TLN2: variants seen among roughly 807,000 people sequenced by gnomAD.
TLN2 encodes talin-2.
TLN2 carries 118 observed loss-of-function variants against 294.7 expected under a neutral mutation model. The ratio of observed to expected loss-of-function variants is 0.40; its 90% CI spans 0.34 to 0.47. The LOEUF (loss-of-function observed/expected upper bound fraction) is 0.47, where lower values mean the gene tolerates loss of function less well. Among genes scored for constraint, TLN2 ranks in the 20% least tolerant of loss-of-function variants. TLN2 has a pLI of 0.84. For synonymous variants in TLN2, 1,431 were observed against 1,304.5 expected (o/e 1.10, Z -2.09); for missense variants, 3,083 against 3,282.2 (o/e 0.94, Z 1.48).
intron 54 of TLN2, among the ~76,000 whole-genome samples, chr15:62,825,829 A>ATT (rs10670862): frequency 3.9e-4 from 5 of 12,918 alleles, no homozygotes; most frequent in Non-Finnish European, 6.6e-4. Flanking sequence ...TATATATTAT[A>ATT]ATATATAATA....
intron 21 of TLN2, 51 bp from the exon 22 acceptor site, chr15:62,711,860 T>C: frequency 6.4e-7 from 1 of 1,554,954 alleles, no homozygotes; most frequent in Non-Finnish European, 8.7e-7. Flanking sequence ...GAGGTTTTAC[T>C]GACCTTTGAA....
intron 39 of TLN2, 32 bp from the exon 40 acceptor site, chr15:62,763,531 A>C: frequency 6.3e-7 from 1 of 1,580,350 alleles, no homozygotes; most frequent in Non-Finnish European, 8.6e-7. Context: ...AGCCCCATGG[A>C]GCCTGTGTCC....
At chr15:62,443,715 G>A (rs577668858) in intron 1 of TLN2, among the ~76,000 whole-genome samples, 2 of 152,334 alleles carry the variant, frequency 1.3e-5, no homozygotes, top group African/African-American at 4.8e-5. Context: ...TAAAATGGGA[G>A]TCTGAGCCAG....
intron 1 of TLN2, among the ~76,000 whole-genome samples, chr15:62,400,412 A>G (rs960567566): frequency 6.6e-6 from 1 of 152,202 alleles, no homozygotes; most frequent in Non-Finnish European, 1.5e-5. Context: ...TTAATATTTG[A>G]GTCATGTTAC....
At chr15:62,755,382 G>C in intron 36 of TLN2, 150 bp from the exon 37 acceptor site, 1 of 914,268 alleles carries the variant, frequency 1.1e-6, no homozygotes, top group African/African-American at 1.7e-5. Context: ...CTCTTTCTTG[G>C]AGTGACTTTG....
intron 19 of TLN2, among the ~76,000 whole-genome samples, chr15:62,706,539 C>G (rs557374294): frequency 1.3e-5 from 2 of 152,248 alleles, no homozygotes; most frequent in Non-Finnish European, 2.9e-5. Context: ...TTGGTGCCAG[C>G]TATGTGTCTG....
chr15:62,499,706 A>G (rs1048988040), intron 1 of TLN2, among the ~76,000 whole-genome samples: 16 of 152,004 alleles, frequency 1.1e-4, no homozygotes, highest in South Asian at 4.2e-4. Flanking sequence ...GGTTCAAGCA[A>G]TTCTCCTGCC....
Position 62,620,819 on chromosome 15 carries a change from T to A in TLN2, c.-37+2344T>A, listed in dbSNP as rs181674230. On this transcript the variant is annotated intron_variant, in intron 3 of 58. Coordinates refer to ENST00000636159, the MANE Select transcript of TLN2 (RefSeq NM_015059.3). The stretch of plus-strand genomic sequence containing the variant: ...TTCAGATTCCTGAAACCTGCTTCTT[T>A]TTTTTTTCTTTCTTTTTCTTTTTTT... Among the ~76,000 whole-genome samples, 700 of 141,214 alleles carry A rather than the reference T, an allele frequency of 5.0e-3. 7 individuals carry two copies. The highest frequency in any genetic ancestry group is 0.02 in the African/African-American group (675 of 34,522). The allele number at this position is 141,214 out of a possible 152,430, so 92.6% of individuals were successfully genotyped here.
chr15:62,651,588 A>G (rs898123340), intron 5 of TLN2, among the ~76,000 whole-genome samples: 8 of 152,242 alleles, frequency 5.3e-5, no homozygotes, highest in Non-Finnish European at 1.2e-4. Flanking sequence ...AATAACCTGT[A>G]TAGCTTTCAA....
chr15:62,817,570 G>T (rs2067211889), intron 52 of TLN2, among the ~76,000 whole-genome samples: 1 of 152,102 alleles, frequency 6.6e-6, no homozygotes, highest in Non-Finnish European at 1.5e-5. Context: ...CCGTGTCTAG[G>T]GCTGGTCATG....
chr15:62,547,796 G>A lies in TLN2; in HGVS notation c.-237-41891G>A, dbSNP rs186483236. ...ATAAATTTCTGATCCTCATCCAGCT[G>A]TTACTGCCAGTCTGGTTGTGAAATG... On this transcript the variant is annotated intron_variant, in intron 1 of 58. Coordinates refer to ENST00000636159, the MANE Select transcript of TLN2 (RefSeq NM_015059.3). Among the ~76,000 whole-genome samples, 349 of 152,292 alleles carry A rather than the reference G, an allele frequency of 2.3e-3. 1 individual carries two copies. The highest frequency in any genetic ancestry group is 8.1e-3 in the African/African-American group (336 of 41,560).
chr15:62,654,455 T>C (rs1272861188), intron 7 of TLN2, among the ~76,000 whole-genome samples: 2 of 152,002 alleles, frequency 1.3e-5, no homozygotes, highest in Admixed American at 6.6e-5. Flanking sequence ...CCTTAGGAGT[T>C]AAAAATAGTA....
intron 1 of TLN2, among the ~76,000 whole-genome samples, chr15:62,514,184 G>T (rs1294252575): frequency 6.6e-6 from 1 of 152,106 alleles, no homozygotes; most frequent in Non-Finnish European, 1.5e-5. Context: ...TTTAGTTCTT[G>T]TTGGTAATTA....
chr15:62,751,884 A>G (rs1418551531), intron 34 of TLN2, among the ~76,000 whole-genome samples: 1 of 152,246 alleles, frequency 6.6e-6, no homozygotes, highest in Non-Finnish European at 1.5e-5. Context: ...AAAGATCTCT[A>G]TTTAAATTTT....
At chr15:62,468,511 C>T (rs1255152822) in intron 1 of TLN2, among the ~76,000 whole-genome samples, 3 of 151,910 alleles carry the variant, frequency 2.0e-5, no homozygotes, top group African/African-American at 7.3e-5. Context: ...TTTGGGAGGC[C>T]AAGGCAGGCG....
At chr15:62,392,477 C>T (rs1002334934) in intron 1 of TLN2, among the ~76,000 whole-genome samples, 1 of 152,160 alleles carries the variant, frequency 6.6e-6, no homozygotes, top group Non-Finnish European at 1.5e-5. Flanking sequence ...TGTAAGGTTG[C>T]ACGCTGACCT....
At chr15:62,802,079 A>G (rs1381292076) in intron 50 of TLN2, among the ~76,000 whole-genome samples, 1 of 152,000 alleles carries the variant, frequency 6.6e-6, no homozygotes, top group Non-Finnish European at 1.5e-5. Flanking sequence ...TGTAGCCATT[A>G]TCCCTCCCCA....
intron 1 of TLN2, among the ~76,000 whole-genome samples, chr15:62,568,596 A>C (rs894561922): frequency 2.6e-5 from 4 of 152,204 alleles, no homozygotes; most frequent in Admixed American, 6.5e-5. Flanking sequence ...ACAGCCACTC[A>C]TCAGAGGGTA....
intron 9 of TLN2, among the ~76,000 whole-genome samples, chr15:62,668,161 C>G (rs2414787): frequency 0.88 from 134,116 of 151,910 alleles, 61,358 homozygotes; most frequent in Non-Finnish European, 1. Context: ...ATAGTTGATA[C>G]TATTGTATAC....
Sources: gnomAD v4.1 joint callset for allele counts (sites outside exome capture counted in the v4.1 genomes callset) on GRCh38, gnomAD v4.1.1 for gene constraint, MANE v1.5 for transcripts, NCBI Gene and HGNC (gene_info 2026-07-23, HGNC 2026-07-21) for gene names.